STPG2: variants seen among roughly 807,000 people sequenced by gnomAD.
STPG2 encodes sperm tail PG-rich repeat containing 2, also known as sperm-tail PG-rich repeat-containing protein 2.
STPG2 carries 56 observed loss-of-function variants against 54.2 expected under a neutral mutation model. That is an observed-to-expected ratio of 1.03 (90% confidence interval 0.83 to 1.29). STPG2 has a LOEUF of 1.29. Ranked by LOEUF, STPG2 falls within the 50% of genes most tolerant of loss-of-function variation. The probability of loss-of-function intolerance (pLI) is 0.00; values close to 1 mark genes in which losing one functional copy is unlikely to be tolerated. For missense variants in STPG2, 596 were observed against 544.9 expected (o/e 1.09, Z -0.93); for synonymous variants, 200 against 181.8 (o/e 1.10, Z -0.81).
chr4:97,466,848 T>C (rs1309519236), intron 4 of STPG2, among the ~76,000 whole-genome samples: 1 of 152,022 alleles, frequency 6.6e-6, no homozygotes, highest in Non-Finnish European at 1.5e-5. Context: ...TCATAGATTA[T>C]TTGATGTCAT....
intron 8 of STPG2, among the ~76,000 whole-genome samples, chr4:97,909,949 A>G (rs1001701600): frequency 1.3e-5 from 2 of 152,146 alleles, no homozygotes; most frequent in Admixed American, 6.5e-5. Flanking sequence ...AAAACATGAT[A>G]ATAATAATAA....
chr4:97,935,333 C>A (rs1732708698), intron 8 of STPG2, among the ~76,000 whole-genome samples: 1 of 152,140 alleles, frequency 6.6e-6, no homozygotes, highest in African/African-American at 2.4e-5. Context: ...AAAAACCCAG[C>A]TCCTGGATTC....
intron 8 of STPG2, among the ~76,000 whole-genome samples, chr4:97,886,712 T>G (rs1560571721): frequency 1.3e-5 from 2 of 152,224 alleles, no homozygotes; most frequent in South Asian, 2.1e-4. Flanking sequence ...CTCTTTCATA[T>G]CAACTAATTT....
intron 9 of STPG2, among the ~76,000 whole-genome samples, chr4:97,739,223 G>C (rs1725131115): frequency 6.6e-6 from 1 of 152,070 alleles, no homozygotes; most frequent in African/African-American, 2.4e-5. Context: ...AGTGTGTAGA[G>C]AGAAATTTAT....
At chr4:98,133,457 C>T (rs1403441261) in intron 2 of STPG2, among the ~76,000 whole-genome samples, 1 of 151,912 alleles carries the variant, frequency 6.6e-6, no homozygotes, top group African/African-American at 2.4e-5. Context: ...AAGAAATATA[C>T]CAAGGAGGCC....
intron 9 of STPG2, among the ~76,000 whole-genome samples, chr4:97,759,140 G>T (rs1725815437): frequency 6.6e-6 from 1 of 152,044 alleles, no homozygotes; most frequent in Admixed American, 6.6e-5. Context: ...ATAGAGGCAG[G>T]CAAACAAAGT....
intron 10 of STPG2, among the ~76,000 whole-genome samples, chr4:97,567,304 C>A (rs137875960): frequency 2.6e-5 from 4 of 151,226 alleles, no homozygotes; most frequent in Non-Finnish European, 5.9e-5. Flanking sequence ...AATTTTAAAA[C>A]CTGAACAGTA....
At chr4:97,703,169 T>G (rs933718946) in intron 10 of STPG2, among the ~76,000 whole-genome samples, 1 of 151,970 alleles carries the variant, frequency 6.6e-6, no homozygotes, top group Admixed American at 6.6e-5. Flanking sequence ...TGCATTTATT[T>G]TGCACAGCTC....
chr4:97,805,485 A>G (rs1727529179), intron 9 of STPG2, among the ~76,000 whole-genome samples: 2 of 152,166 alleles, frequency 1.3e-5, no homozygotes, highest in Admixed American at 1.3e-4. Context: ...TGCTGGGATT[A>G]CAGGCGTGAG....
intron 8 of STPG2, among the ~76,000 whole-genome samples, chr4:97,900,219 T>A (rs1053135177): frequency 1.3e-5 from 2 of 151,980 alleles, no homozygotes; most frequent in African/African-American, 2.4e-5. Flanking sequence ...AAAACCACAA[T>A]GAGATAGTGT....
At chr4:97,914,444 T>TA (rs1731799403) in intron 8 of STPG2, among the ~76,000 whole-genome samples, 1 of 152,198 alleles carries the variant, frequency 6.6e-6, no homozygotes, top group Admixed American at 6.5e-5. Flanking sequence ...GTAAGACACA[T>TA]AAAATGTATC....
chr4:97,558,696 G>A (rs1389422965), downstream of STPG2, among the ~76,000 whole-genome samples: 1 of 152,142 alleles, frequency 6.6e-6, no homozygotes, highest in East Asian at 1.9e-4. Context: ...ACTGAGCCTA[G>A]GAGACACCTA....
chr4:97,993,085 T>C (rs983742245), intron 5 of STPG2, among the ~76,000 whole-genome samples: 29 of 152,178 alleles, frequency 1.9e-4, no homozygotes, highest in African/African-American at 6.8e-4. Flanking sequence ...TTCTTTCTCT[T>C]GTCTGATTGC....
chr4:98,096,205 G>A (rs922785615), intron 5 of STPG2, among the ~76,000 whole-genome samples: 12 of 152,048 alleles, frequency 7.9e-5, no homozygotes, highest in African/African-American at 2.7e-4. Context: ...GACCAGCCTG[G>A]GCAACATGGG....
chr4:97,443,250 G>A (rs1729134949), intron 4 of STPG2, among the ~76,000 whole-genome samples: 1 of 152,132 alleles, frequency 6.6e-6, no homozygotes, highest in East Asian at 1.9e-4. Flanking sequence ...CAGCCACAAG[G>A]CGGATAAAAA....
intron 8 of STPG2, among the ~76,000 whole-genome samples, chr4:97,865,334 A>G (rs1023251687): frequency 2.4e-4 from 37 of 152,358 alleles, no homozygotes; most frequent in African/African-American, 8.4e-4. Context: ...CAAAAGACAC[A>G]TGAAAAAATG....
chr4:98,036,722 A>G (rs2149304141), intron 5 of STPG2, among the ~76,000 whole-genome samples: 1 of 152,136 alleles, frequency 6.6e-6, no homozygotes, highest in South Asian at 2.1e-4. Context: ...CTTAATACCT[A>G]GGTGATAAAA....
At chr4:97,829,390 G>A (rs1490808007) in intron 9 of STPG2, among the ~76,000 whole-genome samples, 1 of 152,038 alleles carries the variant, frequency 6.6e-6, no homozygotes, top group African/African-American at 2.4e-5. Flanking sequence ...AAAGAGCAAA[G>A]GTAGATAAAT....
intron 4 of STPG2, among the ~76,000 whole-genome samples, chr4:97,478,950 A>T (rs1475638036): frequency 6.7e-6 from 1 of 149,570 alleles, no homozygotes; most frequent in Non-Finnish European, 1.5e-5. Context: ...AGGCAATATA[A>T]GTAATTGGAT....
Sources: gnomAD v4.1 joint callset for allele counts (sites outside exome capture counted in the v4.1 genomes callset) on GRCh38, gnomAD v4.1.1 for gene constraint, MANE v1.5 for transcripts, NCBI Gene and HGNC (gene_info 2026-07-23, HGNC 2026-07-21) for gene names.